The following NEMP2 variants were observed in gnomAD, a reference collection of about 807,000 sequenced individuals.
NEMP2 encodes UPF0571 transmembrane protein.
A neutral mutation model predicts 54.2 loss-of-function variants in NEMP2; 53 were observed. The ratio of observed to expected loss-of-function variants is 0.98; its 90% CI spans 0.78 to 1.23. The LOEUF is 1.23. Among genes scored for constraint, NEMP2 ranks in the 50% most tolerant of loss-of-function variants. NEMP2 has a pLI of 0.00. For missense variants in NEMP2, 455 were observed against 511.3 expected (o/e 0.89, Z 1.06); for synonymous variants, 197 against 190.3 (o/e 1.04, Z -0.29).
At chr2:190,635,952 G>A in the NEMP2 span, among the ~76,000 whole-genome samples, 1 of 152,160 alleles carries the variant, frequency 6.6e-6, no homozygotes, top group Non-Finnish European at 1.5e-5. The surrounding 1 kb of genome is among the most constrained non-coding windows in gnomAD (Gnocchi z 4.1). Context: ...CGGCAGCCTT[G>A]GACTCCAGGC....
chr2:190,599,505 G>T, the NEMP2 span, among the ~76,000 whole-genome samples: 41 of 152,196 alleles, frequency 2.7e-4, 1 homozygote, highest in East Asian at 7.5e-3. Flanking sequence ...ATTTGCTACT[G>T]ATTAGTAATA....
the NEMP2 span, among the ~76,000 whole-genome samples, chr2:190,548,574 T>A: frequency 6.6e-6 from 1 of 152,238 alleles, no homozygotes. Context: ...TTTTGCTGTA[T>A]ATAGTAAGTA....
At chr2:190,474,888 C>T in the NEMP2 span, among the ~76,000 whole-genome samples, 1 of 152,134 alleles carries the variant, frequency 6.6e-6, no homozygotes, top group African/African-American at 2.4e-5. Flanking sequence ...GGGCTTCATC[C>T]CTGGGATGCA....
chr2:190,534,821 T>A (rs1691313513), upstream of NEMP2: 1 of 472,062 alleles, frequency 2.1e-6, no homozygotes, highest in Non-Finnish European at 3.4e-6. Context: ...TTGGGCTCGT[T>A]GCTCCAGCCT....
At chr2:190,608,591 C>T in the NEMP2 span, 1 of 152,160 alleles carries the variant, frequency 6.6e-6, no homozygotes, top group African/African-American at 2.4e-5. The surrounding 1 kb of genome is among the most constrained non-coding windows in gnomAD (Gnocchi z 4.9). Flanking sequence ...TGTATGAAGA[C>T]AAGCATTGAT....
the NEMP2 span, among the ~76,000 whole-genome samples, chr2:190,493,441 G>A: frequency 0.3 from 45,657 of 151,932 alleles, 7,628 homozygotes; most frequent in East Asian, 0.46. Context: ...AGTGGGAGAC[G>A]TCAGTACTCC....
In NEMP2 at chr2:190,523,019, A is replaced by G. The variant is rs1690804264; in HGVS notation, c.213+2244T>C. On this transcript the variant is annotated intron_variant, in intron 2 of 8. Coordinates refer to ENST00000409150, the MANE Select transcript of NEMP2 (RefSeq NM_001142645.2). The surrounding 1 kb of genome is among the most constrained non-coding windows in gnomAD (Gnocchi z 5.3). ...TCTCAGAATCTGAGGGATGTGTCAC[A>G]GGCCATTGGTCACTCATATTTGGCT... 6.6e-6 allele frequency among the ~76,000 whole-genome samples: 1 copy of G among 152,218 alleles called. No individual in the cohort carries two copies. The highest frequency in any genetic ancestry group is 2.1e-4 in the South Asian group (1 of 4,830).
At chr2:190,448,784 C>A in the NEMP2 span, among the ~76,000 whole-genome samples, 2 of 152,042 alleles carry the variant, frequency 1.3e-5, 1 homozygote, top group Admixed American at 1.3e-4. Flanking sequence ...ATATTTTTTT[C>A]TTTAAGGAAA....
At chr2:190,516,013 CT>C (rs1286198691) in intron 6 of NEMP2, among the ~76,000 whole-genome samples, 5 of 151,946 alleles carry the variant, frequency 3.3e-5, no homozygotes, top group Non-Finnish European at 7.4e-5. Flanking sequence ...GGGACAAACA[CT>C]TTTTTTTCCT....
In NEMP2 at chr2:190,510,725, T is replaced by C. The variant is rs1690332000; in HGVS notation, c.954-188A>G. Among the ~76,000 whole-genome samples the C allele has an allele frequency of 6.6e-6, 1 of 151,826 alleles. No individual in the cohort carries two copies. The highest frequency in any genetic ancestry group is 2.4e-5 in the African/African-American group (1 of 41,318). On this transcript the variant is annotated intron_variant, in intron 7 of 8. Coordinates refer to ENST00000409150, the MANE Select transcript of NEMP2 (RefSeq NM_001142645.2). The surrounding 1 kb of genome is among the most constrained non-coding windows in gnomAD (Gnocchi z 5.7). ...TGAAACACTGTCTCTACTAAAAATA[T>C]AAAAAATTAGCTGAGCATGGTGGTG...
At chr2:190,539,924 C>G in the NEMP2 span, among the ~76,000 whole-genome samples, 2 of 152,000 alleles carry the variant, frequency 1.3e-5, no homozygotes, top group Non-Finnish European at 1.5e-5. This position sits in a 1 kb window ranked among gnomAD's most constrained non-coding sequence, Gnocchi z 4.1. Flanking sequence ...TTTCTCTTGC[C>G]TAATTGCTCT....
At chr2:190,499,869 A>G (rs1454026468), downstream of NEMP2, 7 of 1,551,692 alleles carry the variant, frequency 4.5e-6, no homozygotes, top group Non-Finnish European at 6.1e-6. The surrounding 1 kb of genome is among the most constrained non-coding windows in gnomAD (Gnocchi z 6.0). Flanking sequence ...AAGACATTCT[A>G]TCCTTATTCC....
Position 190,534,666 on chromosome 2 carries a change from G to C in NEMP2, c.-11C>G, listed in dbSNP as rs953184618. The C allele has an allele frequency of 1.2e-5, 15 of 1,275,514 alleles. No individual in the cohort carries two copies. In the Admixed American group the frequency reaches 3.7e-4, roughly 32 times the overall value. 79.0% of individuals were successfully genotyped at this position (1,275,514 alleles called of 1,614,324 possible). On this transcript the variant is annotated 5_prime_UTR_variant, in exon 1 of 9. Coordinates refer to ENST00000409150, the MANE Select transcript of NEMP2 (RefSeq NM_001142645.2). ...TTGGCGCGGCCCCATTTCGTTAGGG[G>C]TCAGCTCCGTGCGACCCGAGCCCTA...
the NEMP2 span, among the ~76,000 whole-genome samples, chr2:190,427,360 C>T: frequency 5.3e-3 from 805 of 152,260 alleles, 7 homozygotes; most frequent in African/African-American, 0.018. Context: ...ATGGTGTGGG[C>T]AGGAGTGGGA....
chr2:190,495,121 C>T, the NEMP2 span, among the ~76,000 whole-genome samples: 2 of 152,154 alleles, frequency 1.3e-5, no homozygotes, highest in East Asian at 1.9e-4. This position sits in a 1 kb window ranked among gnomAD's most constrained non-coding sequence, Gnocchi z 4.7. Context: ...CTCCTAAAAG[C>T]TCTTAGAACT....
In NEMP2 at chr2:190,529,915, C is replaced by T. The variant is rs567748198; in HGVS notation, c.98-4537G>A. On this transcript the variant is annotated intron_variant, in intron 1 of 8. Transcript: ENST00000409150. This position sits in a 1 kb window ranked among gnomAD's most constrained non-coding sequence, Gnocchi z 4.7. ...AGTCTGGAAGCCACAGGCTGCACTT[C>T]CCCCTTGCCCTACCCCATGGCCAAT... is the stretch of plus-strand genomic sequence containing the variant. 6.8e-4 allele frequency among the ~76,000 whole-genome samples: 103 copies of T among 152,322 alleles called. No homozygotes were observed. Among genetic ancestry groups the T allele is most frequent in the African/African-American group, 2.4e-3 (101 of 41,568 alleles).
At chr2:190,621,943 T>C in the NEMP2 span, among the ~76,000 whole-genome samples, 1 of 152,178 alleles carries the variant, frequency 6.6e-6, no homozygotes, top group Non-Finnish European at 1.5e-5. Flanking sequence ...ACCCCGTCTC[T>C]ACTAAAAATA....
At chr2:190,569,463 T>C in the NEMP2 span, among the ~76,000 whole-genome samples, 1 of 152,236 alleles carries the variant, frequency 6.6e-6, no homozygotes, top group African/African-American at 2.4e-5. Context: ...CTTTGAATTT[T>C]AGCTTTGTTG....
chr2:190,503,140 G>C (rs4536676), downstream of NEMP2, among the ~76,000 whole-genome samples: 133,896 of 152,282 alleles, frequency 0.88, 59,679 homozygotes, highest in East Asian at 1. The surrounding 1 kb of genome is among the most constrained non-coding windows in gnomAD (Gnocchi z 6.3). Flanking sequence ...TCCTAGAAAT[G>C]CTTCAAATTC....
Sources: gnomAD v4.1 joint callset for allele counts (sites outside exome capture counted in the v4.1 genomes callset) on GRCh38, gnomAD v4.1.1 for gene constraint, Gnocchi (gnomAD v3.1) non-coding constraint, MANE v1.5 for transcripts, NCBI Gene and HGNC (gene_info 2026-07-23, HGNC 2026-07-21) for gene names.